The following FAM168A variants were observed in gnomAD, a reference collection of about 807,000 sequenced individuals.
The protein encoded by FAM168A is family with sequence similarity 168 member A, also known as protein FAM168A.
A neutral mutation model predicts 28.5 loss-of-function variants in FAM168A; 3 were observed. The observed-to-expected ratio is 0.11, with a 90% confidence interval of 0.05 to 0.27. The LOEUF (loss-of-function observed/expected upper bound fraction) is 0.27. Among genes scored for constraint, FAM168A ranks in the 10% least tolerant of loss-of-function variants. The pLI is 1.00. For synonymous variants in FAM168A, 122 were observed against 124.2 expected, an observed-to-expected ratio of 0.98 and a Z score of 0.12; for missense variants, 222 against 311.5, an observed-to-expected ratio of 0.71 and a Z score of 2.16.
At chr11:73,514,036 T>G (rs1425035142) in intron 1 of FAM168A, among the ~76,000 whole-genome samples, 1 of 151,680 alleles carries the variant, frequency 6.6e-6, no homozygotes, top group African/African-American at 2.4e-5. Flanking sequence ...AATACAAAAT[T>G]TAGCCCAGAG....
At chr11:73,459,090 GTT>G (rs1867592976) in intron 2 of FAM168A, among the ~76,000 whole-genome samples, 2 of 151,202 alleles carry the variant, frequency 1.3e-5, no homozygotes. Flanking sequence ...TTTTTGTTTT[GTT>G]TTGTTTTTAT....
chr11:73,429,627 A>G (rs1478868798), intron 3 of FAM168A, among the ~76,000 whole-genome samples: 2 of 152,168 alleles, frequency 1.3e-5, no homozygotes, highest in African/African-American at 4.8e-5. Flanking sequence ...TTGTGTGCTT[A>G]AAGAACAGCT....
rs564405353 is a variant in FAM168A, at chr11:73,550,973, C to T, written c.-19+46950G>A. On this transcript the variant is annotated intron_variant, in intron 1 of 7. Coordinates refer to ENST00000356467, the MANE Select transcript of FAM168A (RefSeq NM_015159.3). ...ATACAAAAACAAAACTAGCTGGGCACGGTGATGGGCGCCTGTTGTCCCAGC... is the reference window on the plus strand; with the variant it reads ...ATACAAAAACAAAACTAGCTGGGCATGGTGATGGGCGCCTGTTGTCCCAGC... 4.6e-4 allele frequency among the ~76,000 whole-genome samples: 70 copies of T among 151,982 alleles called. 1 individual carries two copies. The Middle Eastern group carries it at 0.01, about 22-fold the overall frequency.
At chr11:73,441,077 T>TTTTA (rs1867185317) in intron 2 of FAM168A, among the ~76,000 whole-genome samples, 1 of 151,752 alleles carries the variant, frequency 6.6e-6, no homozygotes, top group African/African-American at 2.4e-5. Flanking sequence ...TTTTTTTTTT[T>TTTTA]GAGACAGAGT....
intron 1 of FAM168A, among the ~76,000 whole-genome samples, chr11:73,544,819 TAAATTTATTATATATAA>T: frequency 9.7e-6 from 1 of 102,910 alleles, no homozygotes; most frequent in African/African-American, 4.3e-5. Context: ...TCATATATAA[TAAATTTATTATATATAA>T]TATATATTAA....
intron 2 of FAM168A, among the ~76,000 whole-genome samples, chr11:73,450,667 A>C (rs1232380070): frequency 5.1e-4 from 55 of 108,072 alleles, no homozygotes; most frequent in Admixed American, 6.9e-4. Flanking sequence ...CCCCTTCTCC[A>C]CTCCCCTCCC....
intron 1 of FAM168A, among the ~76,000 whole-genome samples, chr11:73,495,324 G>A (rs530818141): frequency 2.6e-5 from 4 of 152,264 alleles, no homozygotes; most frequent in Non-Finnish European, 4.4e-5. Flanking sequence ...GCGAGACTCC[G>A]TCTCAAAATT....
chr11:73,447,557 C>CAAAAA (rs1183575850), intron 2 of FAM168A, among the ~76,000 whole-genome samples: 30 of 89,516 alleles, frequency 3.4e-4, no homozygotes, highest in Non-Finnish European at 6.3e-4. Context: ...GACCCTGTCT[C>CAAAAA]AAAAAAAAAA....
intron 4 of FAM168A, among the ~76,000 whole-genome samples, chr11:73,413,568 C>T (rs1282198464): frequency 6.6e-6 from 1 of 152,178 alleles, no homozygotes; most frequent in Non-Finnish European, 1.5e-5. Flanking sequence ...ACACAATTTA[C>T]TTATCTATAA....
At chr11:73,480,795 A>C (rs1867957716) in intron 1 of FAM168A, among the ~76,000 whole-genome samples, 4 of 152,220 alleles carry the variant, frequency 2.6e-5, no homozygotes, top group Admixed American at 2.6e-4. Context: ...CCAGAAACTC[A>C]AACCTGGGTC....
chr11:73,548,965 G>A lies in FAM168A; in HGVS notation c.-19+48958C>T, dbSNP rs180864280. Among the ~76,000 whole-genome samples the A allele has an allele frequency of 1.8e-3, 273 of 151,368 alleles. 1 individual carries two copies. The highest frequency in any genetic ancestry group is 6.9e-3 in the Middle Eastern group (2 of 290). ...AGACATTTCTCTTTTTTTTTGAGAC[G>A]GAGTTTTGCTCTGTCGCCCAGGCTG... is the stretch of plus-strand genomic sequence containing the variant. On this transcript the variant is annotated intron_variant, in intron 1 of 7. Transcript: ENST00000356467.
At chr11:73,523,943 A>T (rs1320158236) in intron 1 of FAM168A, among the ~76,000 whole-genome samples, 4 of 151,146 alleles carry the variant, frequency 2.6e-5, no homozygotes, top group Admixed American at 2.6e-4. Flanking sequence ...ACTCACTGTA[A>T]CCTCAAACTC....
intron 2 of FAM168A, 124 bp downstream of exon 2, chr11:73,468,281 T>TC (rs1362437074): frequency 1.3e-6 from 1 of 778,578 alleles, no homozygotes; most frequent in African/African-American, 1.7e-5. Flanking sequence ...CTCAGACATA[T>TC]CTTCTGCATG....
At chr11:73,453,730 C>CA (rs1484873890) in intron 2 of FAM168A, among the ~76,000 whole-genome samples, 2 of 152,158 alleles carry the variant, frequency 1.3e-5, no homozygotes, top group African/African-American at 4.8e-5. Context: ...CTCGGGTCTT[C>CA]AGACTTCAAG....
At chr11:73,581,647 C>T (rs942434938) in intron 1 of FAM168A, among the ~76,000 whole-genome samples, 9 of 151,996 alleles carry the variant, frequency 5.9e-5, no homozygotes, top group African/African-American at 2.2e-4. Context: ...AAGAACTCTT[C>T]CCTAAAAAAA....
intron 1 of FAM168A, among the ~76,000 whole-genome samples, chr11:73,587,914 A>G (rs1432265200): frequency 6.6e-6 from 1 of 151,966 alleles, no homozygotes; most frequent in African/African-American, 2.4e-5. Flanking sequence ...CACGCCCAGC[A>G]AATTTTTGTA....
chr11:73,531,437 G>T (rs1450279360), intron 1 of FAM168A, among the ~76,000 whole-genome samples: 1 of 152,170 alleles, frequency 6.6e-6, no homozygotes, highest in Non-Finnish European at 1.5e-5. Context: ...ACAACATCCT[G>T]GAAGGCTTTT....
At chr11:73,514,874 C>T (rs1482962374) in intron 1 of FAM168A, among the ~76,000 whole-genome samples, 1 of 149,804 alleles carries the variant, frequency 6.7e-6, no homozygotes, top group Non-Finnish European at 1.5e-5. Context: ...TCCATCCATC[C>T]ATCCATCACC....
chr11:73,581,793 G>A (rs542221759), intron 1 of FAM168A, among the ~76,000 whole-genome samples: 21 of 151,732 alleles, frequency 1.4e-4, no homozygotes, highest in Middle Eastern at 6.8e-3. Flanking sequence ...ATCTCGCCTC[G>A]CTGCAAACTC....
Sources: gnomAD v4.1 joint callset for allele counts (sites outside exome capture counted in the v4.1 genomes callset) on GRCh38, gnomAD v4.1.1 for gene constraint, MANE v1.5 for transcripts, NCBI Gene and HGNC (gene_info 2026-07-23, HGNC 2026-07-21) for gene names.